Variants in FAM124A observed in about 807,000 individuals in gnomAD.
FAM124A encodes the protein protein FAM124A.
FAM124A carries 23 observed loss-of-function variants against 24.5 expected under a neutral mutation model. The observed-to-expected ratio is 0.94, with a 90% CI of 0.68 to 1.33. The LOEUF (loss-of-function observed/expected upper bound fraction) is 1.33. Among genes scored for constraint, FAM124A ranks in the 40% most tolerant of loss-of-function variants. FAM124A has a pLI of 0.00. For synonymous variants in FAM124A, 287 were observed against 314.7 expected, an observed-to-expected ratio of 0.91 and a Z score of 0.93; for missense variants, 623 against 722.8, an observed-to-expected ratio of 0.86 and a Z score of 1.58.
chr13:51,271,202 C>T (rs889163502), intron 3 of FAM124A, among the ~76,000 whole-genome samples: 8 of 152,144 alleles, frequency 5.3e-5, no homozygotes, highest in African/African-American at 1.9e-4. Context: ...AGGGACAGAA[C>T]GCTCCTGTGT....
chr13:51,276,180 T>C (rs747607431), intron 3 of FAM124A, among the ~76,000 whole-genome samples: 1 of 152,140 alleles, frequency 6.6e-6, no homozygotes, highest in Non-Finnish European at 1.5e-5. Context: ...GGTTTGACTT[T>C]CAGAGAGATC....
chr13:51,222,753 G>T (rs539382879), intron 1 of FAM124A, among the ~76,000 whole-genome samples, 184 bp downstream of exon 1: 3 of 152,174 alleles, frequency 2.0e-5, no homozygotes, highest in African/African-American at 7.2e-5. Flanking sequence ...GCACCACCCG[G>T]GGGGAGGAAA....
intron 3 of FAM124A, among the ~76,000 whole-genome samples, chr13:51,274,784 A>G (rs1954871143): frequency 6.6e-6 from 1 of 152,196 alleles, no homozygotes; most frequent in Admixed American, 6.5e-5. Context: ...TATGTACAAA[A>G]CTGAACATTT....
Position 51,281,250 on chromosome 13 carries a change from C to T in FAM124A, c.1635C>T (p.Tyr545=), listed in dbSNP as rs1954936626. 5 of 1,561,380 alleles carry T rather than the reference C, an allele frequency of 3.2e-6. No individual in the cohort carries two copies. Among genetic ancestry groups the T allele is most frequent in the Non-Finnish European group, 2.6e-6 (3 of 1,158,058 alleles). The stretch of plus-strand genomic sequence containing the variant: ...GGGATAACGACATGGAGGAATTCTA[C>T]ATCTGAATGCCCTCTGCTCTTGTTC... ...GPGDNDMEEF[Y]I is the part of the protein sequence containing the mutation. The change falls in exon 4 of 4, where the codon TAC becomes TAT. Residue 545 remains tyrosine (Y), a synonymous_variant. Transcript: ENST00000322475.
chr13:51,244,593 G>A (rs1954535634), intron 2 of FAM124A, among the ~76,000 whole-genome samples: 1 of 152,218 alleles, frequency 6.6e-6, no homozygotes, highest in African/African-American at 2.4e-5. Context: ...AACTAGACAT[G>A]CCCACTGCTG....
At chr13:51,262,636 G>T (rs529076850) in intron 3 of FAM124A, among the ~76,000 whole-genome samples, 1 of 152,292 alleles carries the variant, frequency 6.6e-6, no homozygotes, top group African/African-American at 2.4e-5. Flanking sequence ...CAAACGGAAG[G>T]TCAAACATTA....
chr13:51,264,968 C>T (rs954232308), intron 3 of FAM124A, among the ~76,000 whole-genome samples: 4 of 152,202 alleles, frequency 2.6e-5, no homozygotes, highest in Non-Finnish European at 5.9e-5. Flanking sequence ...CATTTGTATC[C>T]TGTCTCTTCC....
intron 3 of FAM124A, among the ~76,000 whole-genome samples, chr13:51,278,816 A>G (rs1057329212): frequency 6.6e-6 from 1 of 152,208 alleles, no homozygotes; most frequent in African/African-American, 2.4e-5. Context: ...AAAACTACAC[A>G]GTGTTCATCC....
At chr13:51,242,529 T>TCAAACTAATTACATATCAACCTC (rs1954509173) in intron 2 of FAM124A, among the ~76,000 whole-genome samples, 1 of 152,090 alleles carries the variant, frequency 6.6e-6, no homozygotes, top group Non-Finnish European at 1.5e-5. Flanking sequence ...ATATCAACCT[T>TCAAACTAATTACATATCAACCTC]CTGGTCTTCT....
chr13:51,251,712 G>A lies in FAM124A; in HGVS notation c.345G>A (p.Gln115=). The change falls in exon 3 of 4, where the codon CAG becomes CAA. Residue 115 remains glutamine (Q), a synonymous_variant. Coordinates refer to ENST00000322475, the MANE Select transcript of FAM124A (RefSeq NM_001242312.2). The surrounding 1 kb of genome is among the most constrained non-coding windows in gnomAD (Gnocchi z 5.3). The stretch of plus-strand genomic sequence containing the variant: ...TGCAGGAGGAGTACGGCGAAGAGCA[G>A]ATCCTGCAGCTGCACCGCACACTGC... ...LFLQEEYGEE[Q]ILQLHRTLQQ... is the part of the protein sequence containing the mutation. 6.3e-7 allele frequency: 1 copy of A among 1,587,500 alleles called. No homozygotes were observed. The highest frequency in any genetic ancestry group is 8.6e-7 in the Non-Finnish European group (1 of 1,168,500).
intron 2 of FAM124A, among the ~76,000 whole-genome samples, chr13:51,247,637 C>A (rs904749526): frequency 2.0e-5 from 3 of 152,168 alleles, no homozygotes; most frequent in Non-Finnish European, 2.9e-5. Context: ...TTAAAATCAT[C>A]TGTCATTTTT....
chr13:51,241,566 G>A (rs866694820), intron 2 of FAM124A, among the ~76,000 whole-genome samples: 1 of 152,110 alleles, frequency 6.6e-6, no homozygotes, highest in South Asian at 2.1e-4. Context: ...TAAAATGAGG[G>A]GGCTGGACTG....
chr13:51,263,525 C>T (rs1305041546), intron 3 of FAM124A, among the ~76,000 whole-genome samples: 3 of 152,228 alleles, frequency 2.0e-5, no homozygotes, highest in African/African-American at 7.2e-5. Flanking sequence ...TCGAGTGAAC[C>T]CTCTGCTACA....
intron 2 of FAM124A, among the ~76,000 whole-genome samples, chr13:51,239,564 G>T (rs1954470411): frequency 1.3e-5 from 2 of 152,134 alleles, no homozygotes; most frequent in South Asian, 2.1e-4. Flanking sequence ...ACTATTGTTG[G>T]TCCTATAGGT....
At chr13:51,253,946 T>TC (rs1468098460) in intron 3 of FAM124A, among the ~76,000 whole-genome samples, 5 of 151,936 alleles carry the variant, frequency 3.3e-5, no homozygotes, top group African/African-American at 4.8e-5. Context: ...GCATTACCTC[T>TC]CCCCCCAAGA....
Position 51,247,269 on chromosome 13 carries a change from G to A in FAM124A, c.101-4199G>A, listed in dbSNP as rs1157176607. On this transcript the variant is annotated intron_variant, in intron 2 of 3. Coordinates refer to ENST00000322475, the MANE Select transcript of FAM124A (RefSeq NM_001242312.2). ...TGTGAAAGGGATACAGTGGAGAGGCGAGCACACTTCTCTGCAGAGCCTGGG... is the reference window on the plus strand; with the variant it reads ...TGTGAAAGGGATACAGTGGAGAGGCAAGCACACTTCTCTGCAGAGCCTGGG... 4.6e-5 allele frequency among the ~76,000 whole-genome samples: 7 copies of A among 152,186 alleles called. 1 individual carries two copies. The highest frequency in any genetic ancestry group is 6.3e-3 in the Middle Eastern group (2 of 316).
In FAM124A at chr13:51,258,877, G is replaced by A. The variant is rs778569281; in HGVS notation, c.834+6676G>A. Among the ~76,000 whole-genome samples, 2 of 152,192 alleles carry A rather than the reference G, an allele frequency of 1.3e-5. No homozygotes were observed. The highest frequency in any genetic ancestry group is 4.8e-5 in the African/African-American group (2 of 41,456). Reference sequence around the variant, plus strand: ...CGTGGCCGGGGTAGGAAGATGCCACGAGAGGCTGCTCAGAAGAACCTATGC... The same window carrying A: ...CGTGGCCGGGGTAGGAAGATGCCACAAGAGGCTGCTCAGAAGAACCTATGC... On this transcript the variant is annotated intron_variant, in intron 3 of 3. Transcript: ENST00000322475. The surrounding 1 kb of genome is among the most constrained non-coding windows in gnomAD (Gnocchi z 4.2).
At chr13:51,237,615 G>A (rs1048296779) in intron 2 of FAM124A, among the ~76,000 whole-genome samples, 3 of 152,330 alleles carry the variant, frequency 2.0e-5, no homozygotes, top group Middle Eastern at 3.4e-3. Context: ...CCATCTTGGT[G>A]TGTGGCCATG....
rs938428163 is a variant in FAM124A, at chr13:51,281,885, G to A, written c.*629G>A. The A allele has an allele frequency of 6.6e-6, 1 of 152,196 alleles. No homozygotes were observed. The highest frequency in any genetic ancestry group is 1.5e-5 in the Non-Finnish European group (1 of 68,036). The allele number at this position is 152,196 out of a possible 1,614,324, so 9.4% of individuals were successfully genotyped here. ...GCAAATCTGGATTTATACAAAAGTT[G>A]CTAATGTGTTTCATAAAGATTTAGC... On this transcript the variant is annotated 3_prime_UTR_variant, in exon 4 of 4. Transcript: ENST00000322475.
Sources: allele counts gnomAD v4.1 joint callset (sites outside exome capture counted in the v4.1 genomes callset), GRCh38; gene constraint gnomAD v4.1.1; non-coding constraint Gnocchi (gnomAD v3.1); transcripts MANE v1.5; gene names NCBI Gene and HGNC (gene_info 2026-07-23, HGNC 2026-07-21).